CLNK: variants seen among roughly 807,000 people sequenced by gnomAD.
The protein encoded by CLNK is cytokine-dependent hematopoietic cell linker.
CLNK carries 74 observed loss-of-function variants against 68.6 expected under a neutral mutation model. That is an observed-to-expected ratio of 1.08 (90% CI 0.89 to 1.31). The LOEUF is 1.31. Among genes scored for constraint, CLNK ranks in the 50% most tolerant of loss-of-function variants. The pLI is 0.00. For missense variants in CLNK, 553 were observed against 515.3 expected (o/e 1.07, Z -0.71); for synonymous variants, 198 against 172.2 (o/e 1.15, Z -1.17).
chr4:10,621,618 G>A (rs1722462874), intron 2 of CLNK, among the ~76,000 whole-genome samples: 1 of 152,208 alleles, frequency 6.6e-6, no homozygotes, highest in Non-Finnish European at 1.5e-5. Flanking sequence ...GATTTGATAA[G>A]CCAATGTCAG....
chr4:10,513,978 A>G (rs1265964368), intron 15 of CLNK, among the ~76,000 whole-genome samples: 1 of 140,090 alleles, frequency 7.1e-6, no homozygotes, highest in Non-Finnish European at 1.5e-5. Context: ...ATCTAGCATT[A>G]GGTATATCTC....
At chr4:10,652,784 T>C (rs1336770681) in intron 2 of CLNK, among the ~76,000 whole-genome samples, 1 of 152,250 alleles carries the variant, frequency 6.6e-6, no homozygotes, top group Non-Finnish European at 1.5e-5. Flanking sequence ...TTGATATTTC[T>C]ATAACACTGC....
the CLNK span, among the ~76,000 whole-genome samples, chr4:10,710,129 G>A: frequency 2.0e-5 from 3 of 152,186 alleles, no homozygotes; most frequent in Admixed American, 6.5e-5. Flanking sequence ...CTGTTAATAA[G>A]TACAACAAAG....
intron 2 of CLNK, among the ~76,000 whole-genome samples, chr4:10,650,997 G>T (rs372419903): frequency 2.0e-4 from 30 of 152,154 alleles, no homozygotes; most frequent in East Asian, 7.7e-4. Context: ...AAACCATAAT[G>T]TGATACCATC....
chr4:10,532,464 C>G (rs979112847), intron 11 of CLNK, among the ~76,000 whole-genome samples, 181 bp from the exon 12 acceptor site: 2 of 152,060 alleles, frequency 1.3e-5, no homozygotes, highest in African/African-American at 4.8e-5. Flanking sequence ...TCATAATTTT[C>G]TAAGGAAAAG....
chr4:10,676,877 T>C (rs1488251385), intron 1 of CLNK, among the ~76,000 whole-genome samples: 1 of 152,094 alleles, frequency 6.6e-6, no homozygotes. Flanking sequence ...TGATTTTTAC[T>C]GTTCACGTAA....
At position 10,593,921 on chromosome 4, in the gene CLNK, C is replaced by T. The variant is rs115783707; in HGVS notation, c.83+4057G>A. Among the ~76,000 whole-genome samples the T allele has an allele frequency of 3.0e-3, 459 of 152,274 alleles. 8 individuals carry two copies. The South Asian group carries it at 0.037, about 12-fold the overall frequency. On this transcript the variant is annotated intron_variant, in intron 3 of 18. Transcript: ENST00000226951. ...GTAAAGGATGGAAAGGAGACTAGTGCTTGGAAAGTGAAGATGTGGATTAGA... is the reference window on the plus strand; with the variant it reads ...GTAAAGGATGGAAAGGAGACTAGTGTTTGGAAAGTGAAGATGTGGATTAGA...
At chr4:10,719,183 T>G in the CLNK span, among the ~76,000 whole-genome samples, 3 of 152,032 alleles carry the variant, frequency 2.0e-5, no homozygotes, top group Non-Finnish European at 4.4e-5. Flanking sequence ...AATAGCAATC[T>G]TAAGCCCTAA....
At position 10,489,925 on chromosome 4, in the gene CLNK, C is replaced by CA. The variant is rs1222981892; in HGVS notation, c.*541dup. 3.3e-5 allele frequency: 5 copies of CA among 153,026 alleles called. No homozygotes were observed. Among genetic ancestry groups the CA allele is most frequent in the African/African-American group, 1.2e-4 (5 of 41,528 alleles). 9.5% of individuals were successfully genotyped at this position (153,026 alleles called of 1,614,324 possible). ...TCGTGATCTGTCCACCTCAGCCTCC[C>CA]AAAGTGCTGGGATTACAGGCATGAG... On this transcript the variant is annotated 3_prime_UTR_variant, in exon 19 of 19. Coordinates refer to ENST00000226951, the MANE Select transcript of CLNK (RefSeq NM_052964.4).
the CLNK span, among the ~76,000 whole-genome samples, chr4:10,717,258 G>A: frequency 3.8e-3 from 584 of 152,284 alleles, 7 homozygotes; most frequent in African/African-American, 0.014. Context: ...GAACAGTGAT[G>A]TGTTTCTCTC....
chr4:10,707,596 A>T, the CLNK span, among the ~76,000 whole-genome samples: 2 of 152,134 alleles, frequency 1.3e-5, no homozygotes, highest in Non-Finnish European at 2.9e-5. Flanking sequence ...AAATGTATAA[A>T]ACCAAACTGT....
At chr4:10,519,093 A>G (rs1265068579) in intron 15 of CLNK, among the ~76,000 whole-genome samples, 1 of 152,190 alleles carries the variant, frequency 6.6e-6, no homozygotes, top group Admixed American at 6.5e-5. Flanking sequence ...TTTGTTTACG[A>G]AAACAGGAAC....
rs985364899 is a variant in CLNK at position 10,558,310 on chromosome 4, G to C, written c.445+97C>G. ...TAATTCAATAGATCACCTTGTGTAA[G>C]ATCACCCATGACCACAAACAGTAAT... On this transcript the variant is annotated intron_variant, in intron 8 of 18. Transcript: ENST00000226951. The C allele has an allele frequency of 4.1e-6, 4 of 981,086 alleles. No homozygotes were observed. In the African/African-American group the frequency reaches 6.3e-5, roughly 16 times the overall value. 60.8% of individuals were successfully genotyped at this position (981,086 alleles called of 1,614,324 possible).
chr4:10,731,146 A>AG, the CLNK span, among the ~76,000 whole-genome samples: 585 of 152,368 alleles, frequency 3.8e-3, 7 homozygotes, highest in African/African-American at 0.014. Flanking sequence ...GTCATCACAC[A>AG]GTGCTATCAA....
intron 15 of CLNK, among the ~76,000 whole-genome samples, chr4:10,519,464 T>C (rs1180705988): frequency 4.6e-5 from 7 of 152,214 alleles, no homozygotes. Flanking sequence ...TCCAAGTCTT[T>C]CATCTTCATC....
In CLNK at chr4:10,601,940, C is replaced by T. The variant is rs567676692; in HGVS notation, c.12-3891G>A. ...CTGGGAAAGCTGGAAGTGCCATAGG[C>T]TTGTAGGGAAACTGAGGTACAGAAC... On this transcript the variant is annotated intron_variant, in intron 2 of 18. Coordinates refer to ENST00000226951, the MANE Select transcript of CLNK (RefSeq NM_052964.4). 8.5e-5 allele frequency among the ~76,000 whole-genome samples: 13 copies of T among 152,332 alleles called. No homozygotes were observed. The South Asian group carries it at 2.7e-3, about 32-fold the overall frequency.
At chr4:10,547,298 A>G (rs1013491944) in intron 8 of CLNK, among the ~76,000 whole-genome samples, 7 of 152,132 alleles carry the variant, frequency 4.6e-5, no homozygotes, top group Admixed American at 1.3e-4. Flanking sequence ...AATCTTTTTT[A>G]AACCACCTCA....
At chr4:10,496,949 C>T (rs549702896) in intron 18 of CLNK, among the ~76,000 whole-genome samples, 107 of 152,270 alleles carry the variant, frequency 7.0e-4, no homozygotes, top group Non-Finnish European at 1.1e-3. Flanking sequence ...CTTTCATTTT[C>T]GATAAATCTC....
At chr4:10,726,862 G>T in the CLNK span, among the ~76,000 whole-genome samples, 3 of 152,144 alleles carry the variant, frequency 2.0e-5, no homozygotes, top group Admixed American at 1.3e-4. Context: ...CTAGCAGGAA[G>T]GTTAGAGATC....
Sources: gnomAD v4.1 joint callset for allele counts (sites outside exome capture counted in the v4.1 genomes callset) on GRCh38, gnomAD v4.1.1 for gene constraint, MANE v1.5 for transcripts, NCBI Gene and HGNC (gene_info 2026-07-23, HGNC 2026-07-21) for gene names.